The following HPSE2 variants were observed in gnomAD, a reference collection of about 807,000 sequenced individuals.
HPSE2 encodes the protein heparanase 2 (inactive).
Under a neutral mutation model 60.5 loss-of-function variants are expected in HPSE2, and 38 were observed. That is an observed-to-expected ratio of 0.63 (90% CI 0.48 to 0.82). HPSE2 has a LOEUF of 0.82. Ranked by LOEUF, HPSE2 falls within the 40% of genes least tolerant of loss-of-function variation. The pLI is 0.00. For synonymous variants in HPSE2, 295 were observed against 293.2 expected, an observed-to-expected ratio of 1.01 and a Z score of -0.06; for missense variants, 713 against 740.4, an observed-to-expected ratio of 0.96 and a Z score of 0.43.
At chr10:99,080,063 C>T (rs748584441) in intron 3 of HPSE2, among the ~76,000 whole-genome samples, 2 of 152,164 alleles carry the variant, frequency 1.3e-5, no homozygotes, top group African/African-American at 4.8e-5. Flanking sequence ...GTTTCACACT[C>T]ACCCAGGATA....
chr10:98,943,147 G>A (rs770345370), intron 3 of HPSE2, among the ~76,000 whole-genome samples: 7 of 150,600 alleles, frequency 4.6e-5, no homozygotes, highest in Non-Finnish European at 8.9e-5. Context: ...CGAGTTGGTG[G>A]GTGCAGCACA....
chr10:99,196,315 A>G (rs1375923064), intron 2 of HPSE2, among the ~76,000 whole-genome samples: 1 of 152,154 alleles, frequency 6.6e-6, no homozygotes, highest in African/African-American at 2.4e-5. Flanking sequence ...TTGTTGAGTA[A>G]TACCCCACAA....
chr10:99,146,312 T>A (rs79086863), intron 2 of HPSE2, among the ~76,000 whole-genome samples: 8 of 152,324 alleles, frequency 5.3e-5, no homozygotes, highest in Admixed American at 2.0e-4. Flanking sequence ...TCATCTATTA[T>A]AGAGACTGAA....
chr10:99,138,680 G>A (rs1311084788), intron 3 of HPSE2, among the ~76,000 whole-genome samples: 2 of 152,116 alleles, frequency 1.3e-5, no homozygotes, highest in Non-Finnish European at 2.9e-5. Flanking sequence ...CTCATAAGTG[G>A]GAGTTGAACA....
At chr10:99,180,193 A>C (rs1353548239) in intron 2 of HPSE2, among the ~76,000 whole-genome samples, 1 of 152,226 alleles carries the variant, frequency 6.6e-6, no homozygotes, top group East Asian at 1.9e-4. Context: ...TTCAGGACAT[A>C]GGCATGGGCA....
chr10:99,160,456 C>T (rs1846782412), intron 2 of HPSE2, among the ~76,000 whole-genome samples: 1 of 152,140 alleles, frequency 6.6e-6, no homozygotes, highest in South Asian at 2.1e-4. Context: ...GAAACAAGAG[C>T]CCTCACACAT....
chr10:98,628,337 C>A lies in HPSE2; in HGVS notation c.1099-7629G>T, dbSNP rs555927230. 6.6e-5 allele frequency among the ~76,000 whole-genome samples: 10 copies of A among 152,234 alleles called. No homozygotes were observed. In the South Asian group the frequency reaches 2.1e-3, roughly 32 times the overall value. On this transcript the variant is annotated intron_variant, in intron 7 of 11. Coordinates refer to ENST00000370552, the MANE Select transcript of HPSE2 (RefSeq NM_021828.5). ...AATTAGGAGAAACAGATGGAACCAGCTGCAAAATTCCCTTAGAAAGTAAAA... is the reference window on the plus strand; with the variant it reads ...AATTAGGAGAAACAGATGGAACCAGATGCAAAATTCCCTTAGAAAGTAAAA...
At chr10:98,860,024 T>C (rs139508301) in intron 3 of HPSE2, among the ~76,000 whole-genome samples, 1 of 152,200 alleles carries the variant, frequency 6.6e-6, no homozygotes, top group Admixed American at 6.5e-5. Context: ...TTAAACTTTA[T>C]CATAGGTATA....
chr10:98,840,575 G>T (rs1018721733), intron 3 of HPSE2, among the ~76,000 whole-genome samples: 1 of 152,154 alleles, frequency 6.6e-6, no homozygotes, highest in Non-Finnish European at 1.5e-5. Flanking sequence ...GATAGACTCC[G>T]CAGGGCTTGA....
At chr10:98,611,012 C>G (rs1945740604) in intron 9 of HPSE2, among the ~76,000 whole-genome samples, 1 of 152,096 alleles carries the variant, frequency 6.6e-6, no homozygotes, top group African/African-American at 2.4e-5. Flanking sequence ...CTCTTCTGCA[C>G]AAACATCGCC....
At chr10:98,983,919 C>T (rs970668449) in intron 3 of HPSE2, among the ~76,000 whole-genome samples, 1 of 152,186 alleles carries the variant, frequency 6.6e-6, no homozygotes, top group African/African-American at 2.4e-5. Context: ...TGAGATCGAA[C>T]TGCAAGGCAG....
chr10:98,604,902 A>G (rs988183760), intron 9 of HPSE2, among the ~76,000 whole-genome samples: 1 of 152,216 alleles, frequency 6.6e-6, no homozygotes, highest in African/African-American at 2.4e-5. Flanking sequence ...AGTTGGTGTC[A>G]GAATGTGGAA....
intron 3 of HPSE2, among the ~76,000 whole-genome samples, chr10:98,820,570 TG>T (rs928305906): frequency 1.7e-4 from 26 of 152,188 alleles, no homozygotes; most frequent in African/African-American, 6.0e-4. Context: ...AGAGAATGCC[TG>T]TATGGCCTTC....
chr10:99,061,335 T>G (rs1842437328), intron 3 of HPSE2, among the ~76,000 whole-genome samples: 1 of 152,186 alleles, frequency 6.6e-6, no homozygotes, highest in Non-Finnish European at 1.5e-5. Flanking sequence ...AAGTGATGTG[T>G]GTTCATTTCT....
the HPSE2 span, among the ~76,000 whole-genome samples, chr10:99,251,887 A>C: frequency 3.4e-5 from 5 of 148,032 alleles, no homozygotes; most frequent in African/African-American, 1.3e-4. Flanking sequence ...AAAAAAAAAA[A>C]AATTAGCTAG....
intron 3 of HPSE2, among the ~76,000 whole-genome samples, chr10:98,871,227 G>T (rs775960591): frequency 7.2e-5 from 11 of 152,006 alleles, no homozygotes; most frequent in Non-Finnish European, 1.6e-4. Context: ...TTGATTATAT[G>T]CCCAGTTTAT....
At chr10:98,756,604 T>C (rs1218624962) in intron 3 of HPSE2, among the ~76,000 whole-genome samples, 1 of 152,050 alleles carries the variant, frequency 6.6e-6, no homozygotes, top group African/African-American at 2.4e-5. Context: ...ACATACAACC[T>C]GTCATGACTG....
chr10:98,625,417 T>C (rs1589527599), intron 7 of HPSE2, among the ~76,000 whole-genome samples: 2 of 152,196 alleles, frequency 1.3e-5, no homozygotes, highest in Admixed American at 6.5e-5. Flanking sequence ...GTAATTTATG[T>C]ATGGAATCCA....
intron 3 of HPSE2, among the ~76,000 whole-genome samples, chr10:98,958,627 T>C (rs560145151): frequency 1.6e-4 from 25 of 152,192 alleles, no homozygotes; most frequent in African/African-American, 6.0e-4. Context: ...ATTCTTTAAC[T>C]AAAGATTAAA....
Sources: allele counts gnomAD v4.1 joint callset (sites outside exome capture counted in the v4.1 genomes callset), GRCh38; gene constraint gnomAD v4.1.1; transcripts MANE v1.5; gene names NCBI Gene and HGNC (gene_info 2026-07-23, HGNC 2026-07-21).